COL5A1: variants seen among roughly 807,000 people sequenced by gnomAD.
COL5A1 encodes the protein collagen type V alpha 1 chain, also known as collagen alpha-1(V) chain.
COL5A1 carries 16 observed loss-of-function variants against 263.7 expected under a neutral mutation model. That is an observed-to-expected ratio of 0.06 (90% CI 0.04 to 0.09). COL5A1 has a LOEUF of 0.09. COL5A1 is among the 10% of genes least tolerant of loss of function. The pLI is 1.00. For synonymous variants in COL5A1, 1,012 were observed against 1,004.5 expected, an observed-to-expected ratio of 1.01 and a Z score of -0.14; for missense variants, 2,036 against 2,540.5, an observed-to-expected ratio of 0.80 and a Z score of 4.27.
intron 59 of COL5A1, 113 bp downstream of exon 59, chr9:134,822,263 G>C (rs1171690499): frequency 1.1e-6 from 1 of 905,724 alleles, no homozygotes; most frequent in Non-Finnish European, 1.8e-6. Context: ...CGAGAAGCTG[G>C]AATTGGGGCC....
At chr9:134,764,175 TG>T (rs1836572798) in intron 20 of COL5A1, among the ~76,000 whole-genome samples, 1 of 68,100 alleles carries the variant, frequency 1.5e-5, no homozygotes, top group Admixed American at 1.9e-4. Context: ...TCAGCATGGG[TG>T]GGTACAAGGG....
intron 46 of COL5A1, 108 bp from the exon 47 acceptor site, chr9:134,812,341 G>T: frequency 8.5e-7 from 1 of 1,172,346 alleles, no homozygotes; most frequent in Non-Finnish European, 1.3e-6. Context: ...CCTTCCCGGG[G>T]CTTCGGGGGC....
chr9:134,648,088 G>T (rs1564363284), intron 1 of COL5A1, among the ~76,000 whole-genome samples: 1 of 152,022 alleles, frequency 6.6e-6, no homozygotes, highest in African/African-American at 2.4e-5. Context: ...TGTAGAGCAG[G>T]CAGAAAAACA....
At chr9:134,651,462 G>A (rs1426236819) in intron 1 of COL5A1, among the ~76,000 whole-genome samples, 1 of 152,132 alleles carries the variant, frequency 6.6e-6, no homozygotes, top group African/African-American at 2.4e-5. Flanking sequence ...AGCTGTGTTT[G>A]TGCCACTGCA....
At chr9:134,786,087 A>G in intron 31 of COL5A1, 39 bp downstream of exon 31, 2 of 1,565,120 alleles carry the variant, frequency 1.3e-6, no homozygotes, top group Non-Finnish European at 1.7e-6. Context: ...GGACAGGCGG[A>G]GGGATGTTCT....
rs553021818 is a variant in COL5A1 at position 134,713,132 on chromosome 9, C to T, written c.654+11799C>T. Among the ~76,000 whole-genome samples the T allele has an allele frequency of 5.2e-5, 8 of 152,386 alleles. No individual in the cohort carries two copies. In the East Asian group the frequency reaches 9.6e-4, roughly 18 times the overall value. ...TGCAGGTTTTCCTGCGAGCTAGCCA[C>T]GTGGCCTCACCCTGCCCTTCTCCTG... is the stretch of plus-strand genomic sequence containing the variant. On this transcript the variant is annotated intron_variant, in intron 4 of 65. Coordinates refer to ENST00000371817, the MANE Select transcript of COL5A1 (RefSeq NM_000093.5).
At chr9:134,825,933 A>G in intron 63 of COL5A1, 29 bp downstream of exon 63, 3 of 1,495,854 alleles carry the variant, frequency 2.0e-6, no homozygotes, top group Non-Finnish European at 2.8e-6. Flanking sequence ...CCATGGCCCC[A>G]GCGGGGCAGG....
intron 5 of COL5A1, among the ~76,000 whole-genome samples, 163 bp from the exon 6 acceptor site, chr9:134,728,507 C>T (rs1172726938): frequency 6.6e-6 from 1 of 152,208 alleles, no homozygotes; most frequent in African/African-American, 2.4e-5. Context: ...TTCCAAGGAG[C>T]TGGAGAGGGA....
At chr9:134,763,125 C>T (rs1836527399) in intron 19 of COL5A1, among the ~76,000 whole-genome samples, 2 of 152,112 alleles carry the variant, frequency 1.3e-5, no homozygotes, top group African/African-American at 4.8e-5. Flanking sequence ...TGTAGGCAGG[C>T]TGTGTGTGAG....
chr9:134,805,929 G>T (rs1333148693), intron 41 of COL5A1, among the ~76,000 whole-genome samples: 3 of 152,122 alleles, frequency 2.0e-5, no homozygotes, highest in Admixed American at 2.0e-4. Flanking sequence ...GCTTCTAGAA[G>T]AGGGAGCCCA....
Position 134,785,086 on chromosome 9 carries a change from C to T in COL5A1, c.2582C>T (p.Pro861Leu). Residue 861 changes from proline (P) to leucine (L), a missense_variant, in exon 30 of 66, where the codon CCT (proline) becomes CTT (leucine). Around this residue, in one of 3 missense-constraint regions of COL5A1, gnomAD observed 1,078 missense variants for 1,521.4 expected, o/e 0.71. Coordinates refer to ENST00000371817, the MANE Select transcript of COL5A1 (RefSeq NM_000093.5). The stretch of plus-strand genomic sequence containing the variant: ...GGTGACCCCGGTCCTCTGGGACCCC[C>T]TGGGGAGAAGGTTTGTGATGTGGGA... ...PNGDPGPLGP[P>L]GEKGKLGVPG... 4 of 1,612,740 alleles carry T rather than the reference C, an allele frequency of 2.5e-6. No homozygotes were observed. Among genetic ancestry groups the T allele is most frequent in the African/African-American group, 1.3e-5 (1 of 75,036 alleles).
chr9:134,833,775 C>CTTGTA (rs1839743398), intron 64 of COL5A1, among the ~76,000 whole-genome samples: 2 of 152,246 alleles, frequency 1.3e-5, no homozygotes, highest in African/African-American at 4.8e-5. Flanking sequence ...TGGCCAGGGC[C>CTTGTA]TTGTACATCC....
rs116959554 is a variant in COL5A1, at chr9:134,802,671, C to T, written c.3007-217C>T. 5.4e-4 allele frequency among the ~76,000 whole-genome samples: 82 copies of T among 152,306 alleles called. No individual in the cohort carries two copies. The East Asian group carries it at 8.1e-3, about 15-fold the overall frequency. The stretch of plus-strand genomic sequence containing the variant: ...CGCCAGGTGGGGGAAGAGGGCCACG[C>T]GGGGCCCAGCAGATGCCAGGCAGTG... On this transcript the variant is annotated intron_variant, in intron 38 of 65. Coordinates refer to ENST00000371817, the MANE Select transcript of COL5A1 (RefSeq NM_000093.5).
intron 11 of COL5A1, among the ~76,000 whole-genome samples, chr9:134,747,815 A>G (rs1053032117): frequency 4.0e-5 from 5 of 126,310 alleles, no homozygotes; most frequent in Non-Finnish European, 8.4e-5. Context: ...AGACACATGC[A>G]CACATGCGTT....
In COL5A1 at chr9:134,677,870, G is replaced by T. The variant is rs141737408; in HGVS notation, c.110-13042G>T. Among the ~76,000 whole-genome samples, 548 of 152,306 alleles carry T rather than the reference G, an allele frequency of 3.6e-3. 2 individuals are homozygous for T. Among genetic ancestry groups the T allele is most frequent in the Middle Eastern group, 0.01 (3 of 294 alleles). On this transcript the variant is annotated intron_variant, in intron 1 of 65. Coordinates refer to ENST00000371817, the MANE Select transcript of COL5A1 (RefSeq NM_000093.5). The surrounding 1 kb of genome is among the most constrained non-coding windows in gnomAD (Gnocchi z 4.4). ...GCTGCCTGGAACGCCCCATGGCATG[G>T]TTCCACGGGAGGGGCATCTTCTGCC...
Position 134,699,954 on chromosome 9 carries a change from C to T in COL5A1, c.323C>T (p.Ala108Val). ...TTCTCCATCCTAACAACTGTGAAAG[C>T]CAAGAAAGGCAGCCAGGCCTTCCTG... is the stretch of plus-strand genomic sequence containing the variant. ...EDFSILTTVKAKKGSQAFLVS... is the reference protein window; with the variant it reads ...EDFSILTTVKVKKGSQAFLVS... Residue 108 changes from alanine to valine, a missense_variant, in exon 3 of 66, where the codon GCC becomes GTC. Around this residue, in one of 3 missense-constraint regions of COL5A1, gnomAD observed 600 missense variants for 634.5 expected, o/e 0.95. Coordinates refer to ENST00000371817, the MANE Select transcript of COL5A1 (RefSeq NM_000093.5). The T allele has an allele frequency of 6.2e-7, 1 of 1,613,990 alleles. No homozygotes were observed. The highest frequency in any genetic ancestry group is 8.5e-7 in the Non-Finnish European group (1 of 1,180,038).
At chr9:134,674,646 G>C (rs1454847537) in intron 1 of COL5A1, among the ~76,000 whole-genome samples, 4 of 152,174 alleles carry the variant, frequency 2.6e-5, no homozygotes, top group Non-Finnish European at 4.4e-5. Context: ...AGCACTTTGG[G>C]AGGCCGAGGT....
intron 41 of COL5A1, 79 bp from the exon 42 acceptor site, chr9:134,806,110 G>T: frequency 9.5e-7 from 1 of 1,050,952 alleles, no homozygotes; most frequent in South Asian, 1.4e-5. Context: ...TAAGTGGAGT[G>T]ATCAGCTGGT....
chr9:134,828,518 T>A (rs1434087339), intron 63 of COL5A1, among the ~76,000 whole-genome samples: 1 of 147,286 alleles, frequency 6.8e-6, no homozygotes, highest in Non-Finnish European at 1.5e-5. Context: ...ACCACACAGA[T>A]ACACGATACA....
Sources: gnomAD v4.1 joint callset for allele counts (sites outside exome capture counted in the v4.1 genomes callset) on GRCh38, gnomAD v4.1.1 for gene constraint, gnomAD v4.1.1 regional missense constraint, Gnocchi (gnomAD v3.1) non-coding constraint, MANE v1.5 for transcripts, NCBI Gene and HGNC (gene_info 2026-07-23, HGNC 2026-07-21) for gene names.